TTC39C: variants seen among roughly 807,000 people sequenced by gnomAD.
TTC39C encodes the protein tetratricopeptide repeat protein 39C.
A neutral mutation model predicts 76.3 loss-of-function variants in TTC39C; 33 were observed. That is an observed-to-expected ratio of 0.43 (90% confidence interval 0.33 to 0.58). TTC39C has a LOEUF of 0.58. Ranked by LOEUF, TTC39C falls within the 20% of genes least tolerant of loss-of-function variation. The pLI is 0.04. For missense variants in TTC39C, 595 were observed against 701.4 expected (o/e 0.85, Z 1.71); for synonymous variants, 254 against 260.6 (o/e 0.97, Z 0.24).
chr18:24,013,199 C>G (rs1166865412), upstream of TTC39C, among the ~76,000 whole-genome samples: 1 of 152,212 alleles, frequency 6.6e-6, no homozygotes, highest in African/African-American at 2.4e-5. Context: ...GCAGTGACTC[C>G]TGCATTACAA....
At chr18:24,030,482 T>A (rs2083653397) in intron 1 of TTC39C, among the ~76,000 whole-genome samples, 1 of 152,106 alleles carries the variant, frequency 6.6e-6, no homozygotes. Flanking sequence ...AGTAGTACAC[T>A]CTTGTAATCA....
intron 6 of TTC39C, among the ~76,000 whole-genome samples, chr18:24,093,717 A>C (rs1227197589): frequency 6.6e-6 from 1 of 152,238 alleles, no homozygotes; most frequent in African/African-American, 2.4e-5. Flanking sequence ...TTAAGTTTAC[A>C]TTGCACTGTA....
At chr18:24,099,005 A>ATGTGTGTGTGTG (rs71373362) in intron 6 of TTC39C, among the ~76,000 whole-genome samples, 3,072 of 130,508 alleles carry the variant, frequency 0.024, 38 homozygotes, top group Middle Eastern at 0.054. Context: ...AGTTAGAGGA[A>ATGTGTGTGTGTG]TGTGTGTGTG....
chr18:24,033,189 G>T (rs1185990099), intron 1 of TTC39C, among the ~76,000 whole-genome samples: 2 of 152,206 alleles, frequency 1.3e-5, no homozygotes, highest in Non-Finnish European at 1.5e-5. Flanking sequence ...GGGGGCGGCG[G>T]TTGCAGTGAG....
At chr18:24,045,559 GTCTGT>G (rs2083858111) in intron 1 of TTC39C, among the ~76,000 whole-genome samples, 1 of 151,926 alleles carries the variant, frequency 6.6e-6, no homozygotes, top group Non-Finnish European at 1.5e-5. Context: ...AGTTTTCACT[GTCTGT>G]ATTTCTACTC....
At chr18:24,079,810 T>TC (rs2084355140) in intron 4 of TTC39C, among the ~76,000 whole-genome samples, 1 of 151,010 alleles carries the variant, frequency 6.6e-6, no homozygotes, top group Non-Finnish European at 1.5e-5. Context: ...TTCTTTCTTT[T>TC]TTTTTTTTTG....
chr18:24,013,112 T>A (rs2083406435), upstream of TTC39C: 1 of 152,172 alleles, frequency 6.6e-6, no homozygotes, highest in African/African-American at 2.4e-5. Flanking sequence ...GAGACTAACA[T>A]TATGTTAAAT....
At chr18:24,045,904 TA>T (rs2083865038) in intron 1 of TTC39C, among the ~76,000 whole-genome samples, 5 of 39,206 alleles carry the variant, frequency 1.3e-4, no homozygotes, top group Admixed American at 7.5e-4. Flanking sequence ...TATATATATA[TA>T]TATATATATA....
chr18:24,087,600 T>TTTTTGTTTTTTG (rs1410625870), intron 6 of TTC39C, among the ~76,000 whole-genome samples: 5 of 150,812 alleles, frequency 3.3e-5, no homozygotes, highest in Non-Finnish European at 7.4e-5. Context: ...TTTGTTTTTT[T>TTTTTGTTTTTTG]TTGAGACAGA....
intron 6 of TTC39C, among the ~76,000 whole-genome samples, chr18:24,113,016 T>C (rs144969112): frequency 1.4e-3 from 220 of 152,276 alleles, no homozygotes; most frequent in African/African-American, 5.0e-3. Context: ...TCAGTGTCAA[T>C]GTCTGCCTTC....
At chr18:24,099,872 T>C (rs1366915266) in intron 6 of TTC39C, among the ~76,000 whole-genome samples, 1 of 152,164 alleles carries the variant, frequency 6.6e-6, no homozygotes, top group Non-Finnish European at 1.5e-5. Flanking sequence ...CCATTTCTAG[T>C]TATTACTTTC....
At chr18:24,033,165 A>G (rs1039109283) in intron 1 of TTC39C, among the ~76,000 whole-genome samples, 1 of 152,226 alleles carries the variant, frequency 6.6e-6, no homozygotes, top group Non-Finnish European at 1.5e-5. Flanking sequence ...AGACATGAGA[A>G]TCACTTGAAA....
rs888960202 is a variant in TTC39C, at chr18:24,132,941, A to T, written c.*367A>T. On this transcript the variant is annotated 3_prime_UTR_variant, in exon 14 of 14. Transcript: ENST00000317571. ...AGCACATATCTGAATGGGTAACATG[A>T]TGAGGTACCTGTAAAATTATTAACA... The T allele has an allele frequency of 2.3e-5, 4 of 170,782 alleles. No homozygotes were observed. The highest frequency in any genetic ancestry group is 1.3e-4 in the Admixed American group (2 of 15,836). The allele number at this position is 170,782 out of a possible 1,614,324, so 10.6% of individuals were successfully genotyped here.
intron 10 of TTC39C, 73 bp downstream of exon 10, chr18:24,125,623 G>T: frequency 6.4e-7 from 1 of 1,572,026 alleles, no homozygotes. Context: ...GCATTCTTCA[G>T]TTTCCCGTTT....
upstream of TTC39C, among the ~76,000 whole-genome samples, chr18:24,009,852 C>T (rs542364919): frequency 5.3e-5 from 8 of 152,336 alleles, no homozygotes; most frequent in East Asian, 1.9e-4. Flanking sequence ...GGTGAGGAGG[C>T]GTCCAACCCA....
chr18:24,025,378 T>G (rs2083587122), intron 1 of TTC39C, among the ~76,000 whole-genome samples: 1 of 152,358 alleles, frequency 6.6e-6, no homozygotes, highest in East Asian at 1.9e-4. Flanking sequence ...GATATACAAA[T>G]GCAAACTGGT....
At chr18:24,099,005 A>G (rs368646491) in intron 6 of TTC39C, among the ~76,000 whole-genome samples, 134 of 130,760 alleles carry the variant, frequency 1.0e-3, no homozygotes, top group Middle Eastern at 3.8e-3. Flanking sequence ...AGTTAGAGGA[A>G]TGTGTGTGTG....
intron 3 of TTC39C, 68 bp downstream of exon 3, chr18:24,066,208 G>A: frequency 3.3e-6 from 5 of 1,525,274 alleles, no homozygotes; most frequent in Non-Finnish European, 4.4e-6. Context: ...TGTTCATTTA[G>A]AACAAAAGCC....
At chr18:24,057,431 C>T (rs1291472615) in intron 1 of TTC39C, among the ~76,000 whole-genome samples, 2 of 152,188 alleles carry the variant, frequency 1.3e-5, no homozygotes, top group African/African-American at 4.8e-5. Flanking sequence ...AGTTATCAGG[C>T]ATTTTCAACA....
Sources: allele counts gnomAD v4.1 joint callset (sites outside exome capture counted in the v4.1 genomes callset), GRCh38; gene constraint gnomAD v4.1.1; transcripts MANE v1.5; gene names NCBI Gene and HGNC (gene_info 2026-07-23, HGNC 2026-07-21).